Variants in PCDHGA4 observed in about 807,000 individuals in gnomAD.
PCDHGA4 encodes protocadherin gamma subfamily A, 4.
PCDHGA4 carries 38 observed loss-of-function variants against 54.6 expected under a neutral mutation model. The observed-to-expected ratio is 0.70, with a 90% CI of 0.54 to 0.91. PCDHGA4 has a LOEUF of 0.91. Among genes scored for constraint, PCDHGA4 ranks in the 40% least tolerant of loss-of-function variants. The pLI is 0.00. For missense variants in PCDHGA4, 1,298 were observed against 1,220.9 expected, an observed-to-expected ratio of 1.06 and a Z score of -0.94; for synonymous variants, 511 against 512.9, an observed-to-expected ratio of 1.00 and a Z score of 0.05.
At chr5:141,419,533 C>T in intron 1 of PCDHGA4, 1 of 1,612,106 alleles carries the variant, frequency 6.2e-7, no homozygotes, top group Non-Finnish European at 8.5e-7. Context: ...GTAACGACAA[C>T]GCACCGCGGG....
In PCDHGA4 at chr5:141,357,181, A is replaced by G. The variant is rs1760501412; in HGVS notation, c.2074A>G (p.Thr692Ala). 3 of 1,613,644 alleles carry G rather than the reference A, an allele frequency of 1.9e-6. No individual in the cohort carries two copies. The highest frequency in any genetic ancestry group is 2.5e-6 in the Non-Finnish European group (3 of 1,179,854). ...QPPLSATVTL[T>A]VAVADSIPDV... Reference sequence around the variant, plus strand: ...CCCTCTCTCGGCCACCGTCACACTCACTGTGGCTGTGGCCGACAGCATCCC... The same window carrying G: ...CCCTCTCTCGGCCACCGTCACACTCGCTGTGGCTGTGGCCGACAGCATCCC... Residue 692 changes from threonine (T) to alanine (A), a missense_variant, in exon 1 of 4, where the codon ACT becomes GCT. Transcript: ENST00000571252.
intron 1 of PCDHGA4, among the ~76,000 whole-genome samples, chr5:141,369,354 A>G (rs1766176337): frequency 6.6e-6 from 1 of 152,198 alleles, no homozygotes; most frequent in Non-Finnish European, 1.5e-5. Flanking sequence ...GTGATGTAGT[A>G]TGAAAAAACA....
At chr5:141,408,819 G>A in intron 1 of PCDHGA4, 1 of 1,613,520 alleles carries the variant, frequency 6.2e-7, no homozygotes, top group Non-Finnish European at 8.5e-7. Context: ...GAAGAACAGA[G>A]ATCTCATAGC....
At chr5:141,463,553 A>G (rs1163004575) in intron 1 of PCDHGA4, among the ~76,000 whole-genome samples, 3 of 140,962 alleles carry the variant, frequency 2.1e-5, no homozygotes, top group Non-Finnish European at 4.5e-5. Context: ...GGTTCATGCC[A>G]TTCTCCTGCC....
In PCDHGA4 at chr5:141,403,683, A is replaced by G. The variant is rs757429628; in HGVS notation, c.2514+46062A>G. 2.5e-6 allele frequency: 4 copies of G among 1,613,804 alleles called. No individual in the cohort carries two copies. The highest frequency in any genetic ancestry group is 1.7e-6 in the Non-Finnish European group (2 of 1,179,888). ...AATGATAATGCCCCGGTTTTTGCTC[A>G]ACGGATTTACCGAGTTAAAGTCCTT... On this transcript the variant is annotated intron_variant, in intron 1 of 3. Transcript: ENST00000571252.
At chr5:141,358,058 T>C (rs1166026389) in intron 1 of PCDHGA4, among the ~76,000 whole-genome samples, 9 of 152,056 alleles carry the variant, frequency 5.9e-5, no homozygotes, top group Non-Finnish European at 1.0e-4. Flanking sequence ...GGCGTGGTGG[T>C]GTGTGCCCGT....
intron 1 of PCDHGA4, among the ~76,000 whole-genome samples, chr5:141,472,313 A>G (rs1411876003): frequency 6.7e-6 from 1 of 150,164 alleles, no homozygotes; most frequent in East Asian, 2.0e-4. Context: ...AAGCCGAGGC[A>G]GGCAGATCAC....
intron 1 of PCDHGA4, chr5:141,362,043 C>T: frequency 6.2e-7 from 1 of 1,610,452 alleles, no homozygotes; most frequent in South Asian, 1.1e-5. Flanking sequence ...GCGACAGGGA[C>T]GCGGCCCGCC....
Position 141,432,039 on chromosome 5 carries a change from G to C in PCDHGA4, c.2515-62768G>C. ...AACATCACAGTGACCGCCACTGACC[G>C]GGGAACCCCGCCCCTATCCACGGAA... On this transcript the variant is annotated intron_variant, in intron 1 of 3. Transcript: ENST00000571252. This position sits in a 1 kb window ranked among gnomAD's most constrained non-coding sequence, Gnocchi z 6.0. 6.2e-7 allele frequency: 1 copy of C among 1,614,176 alleles called. No homozygotes were observed. Among genetic ancestry groups the C allele is most frequent in the Non-Finnish European group, 8.5e-7 (1 of 1,180,028 alleles).
At chr5:141,392,689 C>T in intron 1 of PCDHGA4, 1 of 1,115,570 alleles carries the variant, frequency 9.0e-7, no homozygotes, top group Non-Finnish European at 1.2e-6. Context: ...CAGCGAAACC[C>T]GACCCCTGTT....
intron 1 of PCDHGA4, chr5:141,393,545 C>CCCGATTTA (rs1171677857): frequency 1.2e-6 from 2 of 1,613,858 alleles, no homozygotes; most frequent in African/African-American, 1.3e-5. Context: ...TTTTTCCTCA[C>CCCGATTTA]CCGATTTACC....
At position 141,357,472 on chromosome 5, in the gene PCDHGA4, T is replaced by C; in HGVS notation, c.2365T>C (p.Ser789Pro). The C allele has an allele frequency of 6.2e-7, 1 of 1,614,168 alleles. No individual in the cohort carries two copies. The highest frequency in any genetic ancestry group is 8.5e-7 in the Non-Finnish European group (1 of 1,180,038). Residue 789 changes from serine to proline, a missense_variant, in exon 1 of 4, where the codon TCC (serine) becomes CCC (proline). Ser to Pro is a moderately conservative substitution (Grantham distance 74). Transcript: ENST00000571252. ...CCTGCAGACCTATTCCCACGAGGTC[T>C]CCCTCACCGCGGACTCGCGGAAGAG... ...AFLQTYSHEV[S>P]LTADSRKSHL...
intron 1 of PCDHGA4, chr5:141,417,855 G>A: frequency 6.5e-7 from 1 of 1,544,918 alleles, no homozygotes. Context: ...GAACCCGAGC[G>A]AACGATGGGA....
chr5:141,508,045 T>A (rs985875804), intron 3 of PCDHGA4: 1 of 152,264 alleles, frequency 6.6e-6, no homozygotes, highest in Non-Finnish European at 1.5e-5. Flanking sequence ...GCCAGCTGTG[T>A]TCCAGCTAAT....
chr5:141,363,884 G>A (rs1235623688), intron 1 of PCDHGA4, among the ~76,000 whole-genome samples: 1 of 152,096 alleles, frequency 6.6e-6, no homozygotes, highest in Admixed American at 6.5e-5. Flanking sequence ...AAGGACATAG[G>A]CTCCCCCGAT....
chr5:141,361,133 TC>T, intron 1 of PCDHGA4: 1 of 1,613,962 alleles, frequency 6.2e-7, no homozygotes, highest in South Asian at 1.1e-5. Context: ...CACTGCAGTA[TC>T]CAAGTTGAAA....
chr5:141,372,935 T>C, intron 1 of PCDHGA4: 2 of 830,688 alleles, frequency 2.4e-6, no homozygotes, highest in Non-Finnish European at 3.6e-6. Context: ...TGGTGTAGAG[T>C]AGGGTGTCTA....
intron 1 of PCDHGA4, chr5:141,423,310 G>A (rs1175296469): frequency 1.2e-6 from 2 of 1,614,180 alleles, no homozygotes; most frequent in Admixed American, 1.7e-5. Flanking sequence ...GCTGTACTTG[G>A]TGGTGGCGGT....
chr5:141,383,273 A>G, intron 1 of PCDHGA4: 1 of 1,613,960 alleles, frequency 6.2e-7, no homozygotes, highest in Non-Finnish European at 8.5e-7. Flanking sequence ...GAAATAATAG[A>G]TATTAATGAC....
Sources: allele counts gnomAD v4.1 joint callset (sites outside exome capture counted in the v4.1 genomes callset), GRCh38; gene constraint gnomAD v4.1.1; non-coding constraint Gnocchi (gnomAD v3.1); transcripts MANE v1.5; gene names NCBI Gene and HGNC (gene_info 2026-07-23, HGNC 2026-07-21).